MCTP2: variants seen among roughly 807,000 people sequenced by gnomAD.
MCTP2 encodes the protein multiple C2 and transmembrane domain-containing protein 2.
A neutral mutation model predicts 111.6 loss-of-function variants in MCTP2; 132 were observed. The observed-to-expected ratio is 1.18, with a 90% confidence interval of 1.03 to 1.37. The LOEUF is 1.37. MCTP2 is among the 40% of genes most tolerant of loss of function. The probability of loss-of-function intolerance (pLI) is 0.00; values close to 1 mark genes in which losing one functional copy is unlikely to be tolerated. For missense variants in MCTP2, 1,183 were observed against 1,067.9 expected, an observed-to-expected ratio of 1.11 and a Z score of -1.50; for synonymous variants, 395 against 387.7, an observed-to-expected ratio of 1.02 and a Z score of -0.22.
Position 94,480,925 on chromosome 15 carries a change from C to T in MCTP2, c.*1891C>T, listed in dbSNP as rs2074693654. ...GTTAAGTTTAGGACCCAAACACCAGCTGGGACGTAAGAGCAGGACCGAATC... is the reference window on the plus strand; with the variant it reads ...GTTAAGTTTAGGACCCAAACACCAGTTGGGACGTAAGAGCAGGACCGAATC... On this transcript the variant is annotated 3_prime_UTR_variant, in exon 23 of 23. Transcript: ENST00000357742. 1 of 152,194 alleles carries T rather than the reference C, an allele frequency of 6.6e-6. No homozygotes were observed. Among genetic ancestry groups the T allele is most frequent in the South Asian group, 2.1e-4 (1 of 4,824 alleles). 9.4% of individuals were successfully genotyped at this position (152,194 alleles called of 1,614,324 possible).
chr15:94,379,088 T>C (rs368142269), intron 12 of MCTP2, among the ~76,000 whole-genome samples: 1 of 152,054 alleles, frequency 6.6e-6, no homozygotes, highest in East Asian at 1.9e-4. Context: ...TTTTAATGTT[T>C]TCCTTTTTTG....
intron 17 of MCTP2, among the ~76,000 whole-genome samples, chr15:94,407,414 G>A (rs1210389870): frequency 6.6e-6 from 1 of 152,160 alleles, no homozygotes; most frequent in African/African-American, 2.4e-5. Context: ...TTACTTGGAT[G>A]TTTGATCTAA....
chr15:94,379,586 A>G (rs2079984450), intron 12 of MCTP2, among the ~76,000 whole-genome samples: 1 of 151,682 alleles, frequency 6.6e-6, no homozygotes. Flanking sequence ...GTAGAATGAA[A>G]TGAAAACTAC....
At chr15:94,455,673 C>CCTTG (rs936331259) in intron 19 of MCTP2, among the ~76,000 whole-genome samples, 1 of 152,006 alleles carries the variant, frequency 6.6e-6, no homozygotes, top group African/African-American at 2.4e-5. Flanking sequence ...TATCTGCCCG[C>CCTTG]CTTGGCCTCT....
chr15:94,315,306 T>C (rs1356147849), intron 3 of MCTP2, among the ~76,000 whole-genome samples: 1 of 152,186 alleles, frequency 6.6e-6, no homozygotes, highest in Non-Finnish European at 1.5e-5. Context: ...AAAGATGTAA[T>C]CATATTTGCT....
At chr15:94,252,667 T>C (rs1402815636) in intron 1 of MCTP2, among the ~76,000 whole-genome samples, 1 of 151,764 alleles carries the variant, frequency 6.6e-6, no homozygotes, top group Non-Finnish European at 1.5e-5. Context: ...AAAAACAAGG[T>C]ATCACAGCTT....
intron 4 of MCTP2, among the ~76,000 whole-genome samples, chr15:94,325,762 C>T (rs961213218): frequency 2.1e-4 from 31 of 150,438 alleles, no homozygotes; most frequent in Non-Finnish European, 1.6e-4. Context: ...GACGAAGGCA[C>T]ACCACTAGGC....
intron 1 of MCTP2, among the ~76,000 whole-genome samples, chr15:94,254,397 A>T (rs6497184): frequency 0.43 from 65,092 of 152,014 alleles, 14,304 homozygotes; most frequent in Middle Eastern, 0.57. Flanking sequence ...GCACTAATAC[A>T]TACTGGCTGA....
At position 94,415,253 on chromosome 15, in the gene MCTP2, A is replaced by T. The variant is rs77146589; in HGVS notation, c.2085+13234A>T. Among the ~76,000 whole-genome samples the T allele has an allele frequency of 2.5e-3, 385 of 152,222 alleles. 12 individuals carry two copies. In the East Asian group the frequency reaches 0.057, roughly 22 times the overall value. ...TCAGGAAAGGTGACGCTCCTTGTCA[A>T]TTTTTGTCTTCTGCCTGCAGTTGAA... On this transcript the variant is annotated intron_variant, in intron 17 of 22. Transcript: ENST00000357742.
intron 21 of MCTP2, among the ~76,000 whole-genome samples, chr15:94,475,481 C>T (rs1385004980): frequency 6.6e-6 from 1 of 152,096 alleles, no homozygotes; most frequent in East Asian, 1.9e-4. Flanking sequence ...TGAACAACAA[C>T]AAAAAAATCA....
intron 17 of MCTP2, among the ~76,000 whole-genome samples, chr15:94,435,734 C>G (rs1281096183): frequency 2.2e-5 from 3 of 137,438 alleles, no homozygotes; most frequent in African/African-American, 7.7e-5. Context: ...CGGGTTCACG[C>G]CATTCTCCTG....
intron 7 of MCTP2, chr15:94,341,292 A>G (rs1031585898): frequency 4.9e-6 from 1 of 202,694 alleles, no homozygotes; most frequent in Non-Finnish European, 1.0e-5. Flanking sequence ...TCTAGTTGAT[A>G]CAGTACCTAT....
chr15:94,391,028 C>T (rs1032435771), intron 14 of MCTP2, among the ~76,000 whole-genome samples: 1 of 152,130 alleles, frequency 6.6e-6, no homozygotes, highest in Admixed American at 6.5e-5. Flanking sequence ...CCATGCCCTG[C>T]CAAAGACCTG....
At chr15:94,362,344 G>T (rs2078984009) in intron 10 of MCTP2, among the ~76,000 whole-genome samples, 1 of 151,994 alleles carries the variant, frequency 6.6e-6, no homozygotes, top group African/African-American at 2.4e-5. Context: ...ATATTTCAAG[G>T]GGATTCTACA....
chr15:94,474,253 A>G (rs1261636349), intron 21 of MCTP2, among the ~76,000 whole-genome samples: 6 of 152,156 alleles, frequency 3.9e-5, no homozygotes. Context: ...CTTTAATAGT[A>G]TTAAAGGCTC....
intron 14 of MCTP2, among the ~76,000 whole-genome samples, chr15:94,390,269 A>G (rs962689931): frequency 6.6e-6 from 1 of 151,858 alleles, no homozygotes; most frequent in African/African-American, 2.4e-5. Flanking sequence ...ATTCATGGTT[A>G]AAAACAGTAG....
rs1228939947 is a variant in MCTP2 at position 94,345,123 on chromosome 15, C to G, written c.970-6C>G. 2 of 1,612,554 alleles carry G rather than the reference C, an allele frequency of 1.2e-6. No homozygotes were observed. The highest frequency in any genetic ancestry group is 2.7e-5 in the African/African-American group (2 of 74,878). ...TTTTCACCATTCCGCGGACACAAAT[C>G]TTTAGCGTTGGTCAAATCGGAAGCG... On this transcript the variant is annotated splice_polypyrimidine_tract_variant and splice_region_variant and intron_variant, in intron 7 of 22. Coordinates refer to ENST00000357742, the MANE Select transcript of MCTP2 (RefSeq NM_001385001.1).
chr15:94,401,214 C>A lies in MCTP2; in HGVS notation c.1966-686C>A, dbSNP rs558281540. 1.9e-3 allele frequency among the ~76,000 whole-genome samples: 289 copies of A among 152,090 alleles called. 1 individual carries two copies. Among genetic ancestry groups the A allele is most frequent in the African/African-American group, 6.8e-3 (282 of 41,488 alleles). On this transcript the variant is annotated intron_variant, in intron 16 of 22. Transcript: ENST00000357742. ...CCGCACGTGCCTCTTGCTACTTAGT[C>A]CCCCCAAATTTTGATAAACTGGAAA... is the stretch of plus-strand genomic sequence containing the variant.
rs536848296 is a variant in MCTP2, at chr15:94,326,712, C to T, written c.637+11075C>T. ...CCTCCTGAGTAGCTGGGATTACAGG[C>T]ATGGGCCACCACGCCTGGCTAATTT... On this transcript the variant is annotated intron_variant, in intron 4 of 22. Coordinates refer to ENST00000357742, the MANE Select transcript of MCTP2 (RefSeq NM_001385001.1). Among the ~76,000 whole-genome samples, 5 of 152,024 alleles carry T rather than the reference C, an allele frequency of 3.3e-5. No individual in the cohort carries two copies. In the South Asian group the frequency reaches 8.3e-4, roughly 25 times the overall value.
Sources: allele counts gnomAD v4.1 joint callset (sites outside exome capture counted in the v4.1 genomes callset), GRCh38; gene constraint gnomAD v4.1.1; transcripts MANE v1.5; gene names NCBI Gene and HGNC (gene_info 2026-07-23, HGNC 2026-07-21).